The following ARHGEF7 variants were observed in gnomAD, a reference collection of about 807,000 sequenced individuals.
The protein encoded by ARHGEF7 is PAK-interacting exchange factor beta.
ARHGEF7 carries 33 observed loss-of-function variants against 109.8 expected under a neutral mutation model. The observed-to-expected ratio is 0.30, with a 90% CI of 0.23 to 0.40. The LOEUF is 0.40. ARHGEF7 is among the 10% of genes least tolerant of loss of function. ARHGEF7 has a pLI of 1.00. For synonymous variants in ARHGEF7, 458 were observed against 424.6 expected, an observed-to-expected ratio of 1.08 and a Z score of -0.97; for missense variants, 938 against 1,098.5, an observed-to-expected ratio of 0.85 and a Z score of 2.07.
At position 111,303,274 on chromosome 13, in the gene ARHGEF7, C is replaced by T. The variant is rs536353972; in HGVS notation, c.*161C>T. 3.3e-5 allele frequency: 21 copies of T among 638,342 alleles called. No homozygotes were observed. In the East Asian group the frequency reaches 4.1e-4, roughly 12 times the overall value. The allele number at this position is 638,342 out of a possible 1,614,324, so 39.5% of individuals were successfully genotyped here. On this transcript the variant is annotated 3_prime_UTR_variant, in exon 22 of 22. Coordinates refer to ENST00000646102, the MANE Select transcript of ARHGEF7 (RefSeq NM_001354046.2). ...CTGGAGCTTATTCTGCGAATGGAGA[C>T]GATCAAACCATGACTGATGAATCCA...
At chr13:111,214,206 G>T (rs1000037949) in intron 4 of ARHGEF7, among the ~76,000 whole-genome samples, 2 of 151,382 alleles carry the variant, frequency 1.3e-5, no homozygotes, top group Non-Finnish European at 3.0e-5. Flanking sequence ...AGTGTAGAGC[G>T]TGCATGCATT....
intron 2 of ARHGEF7, among the ~76,000 whole-genome samples, chr13:111,168,657 C>G (rs2077326114): frequency 6.6e-6 from 1 of 152,096 alleles, no homozygotes; most frequent in African/African-American, 2.4e-5. Context: ...TTGTCCATTC[C>G]CACCCCCAGA....
intron 4 of ARHGEF7, among the ~76,000 whole-genome samples, chr13:111,216,068 T>C (rs1015364856): frequency 1.3e-5 from 2 of 152,110 alleles, no homozygotes; most frequent in Non-Finnish European, 2.9e-5. Flanking sequence ...TATGAATTGG[T>C]TTGAATTTCT....
At position 111,133,789 on chromosome 13, in the gene ARHGEF7, ATATATATATATATATATATATAT is replaced by A. The variant is rs1566606764; in HGVS notation, c.165+18099_165+18121del. Among the ~76,000 whole-genome samples, 134 of 103,684 alleles carry A rather than the reference ATATATATATATATATATATATAT, an allele frequency of 1.3e-3. 5 individuals are homozygous for A. The highest frequency in any genetic ancestry group is 4.0e-3 in the South Asian group (12 of 2,974). 68.0% of individuals were successfully genotyped at this position (103,684 alleles called of 152,430 possible). ...TATATATATATATATATATATATATATATATATATATATATATATATATATTTATTATACTTTAAGTTCTAGGT... is the reference window on the plus strand; with the variant it reads ...TATATATATATATATATATATATATAATTTATTATACTTTAAGTTCTAGGT... On this transcript the variant is annotated intron_variant, in intron 1 of 21. Transcript: ENST00000646102.
At chr13:111,231,951 A>G (rs2086113672) in intron 5 of ARHGEF7, among the ~76,000 whole-genome samples, 2 of 152,272 alleles carry the variant, frequency 1.3e-5, no homozygotes, top group South Asian at 4.1e-4. Flanking sequence ...CTTTGTCCCC[A>G]CTAGCCCCAA....
In ARHGEF7 at chr13:111,250,915, C is replaced by T. The variant is rs181798491; in HGVS notation, c.950+6621C>T. On this transcript the variant is annotated intron_variant, in intron 8 of 21. Transcript: ENST00000646102. ...CTAGGCCCTCTGGGTGCAGCACCTC[C>T]GTGCTTTCAGCAACCCAAAATCTCT... Among the ~76,000 whole-genome samples, 80 of 152,334 alleles carry T rather than the reference C, an allele frequency of 5.3e-4. No homozygotes were observed. The East Asian group carries it at 6.6e-3, about 12-fold the overall frequency.
At chr13:111,114,733 C>T (rs868423617), upstream of ARHGEF7, 2 of 152,218 alleles carry the variant, frequency 1.3e-5, no homozygotes, top group East Asian at 1.9e-4. Context: ...CGTCACCGTC[C>T]GTCTAGAGCA....
At chr13:111,232,085 C>T (rs1165822837) in intron 5 of ARHGEF7, among the ~76,000 whole-genome samples, 1 of 151,970 alleles carries the variant, frequency 6.6e-6, no homozygotes, top group African/African-American at 2.4e-5. Context: ...CCTATCTGCC[C>T]ACCCCCTAGA....
At chr13:111,261,649 G>T (rs2091103668) in intron 8 of ARHGEF7, among the ~76,000 whole-genome samples, 1 of 152,130 alleles carries the variant, frequency 6.6e-6, no homozygotes, top group Non-Finnish European at 1.5e-5. Context: ...GCTTCAGAAT[G>T]CACATTCTTT....
chr13:111,140,517 C>G (rs74372248), intron 1 of ARHGEF7, among the ~76,000 whole-genome samples: 3,194 of 152,132 alleles, frequency 0.021, 49 homozygotes, highest in Middle Eastern at 0.051. Context: ...ACAGCTAGTG[C>G]GAGGTCCTGG....
intron 9 of ARHGEF7, among the ~76,000 whole-genome samples, chr13:111,268,362 T>A (rs1050672273): frequency 2.0e-5 from 3 of 152,116 alleles, no homozygotes; most frequent in Non-Finnish European, 4.4e-5. Context: ...TTACAAAAAA[T>A]TAATACAAAG....
chr13:111,157,685 A>C (rs1177661658), intron 2 of ARHGEF7, among the ~76,000 whole-genome samples: 2 of 152,220 alleles, frequency 1.3e-5, no homozygotes, highest in East Asian at 3.8e-4. Context: ...TTTCTTAGGT[A>C]AACAGCTACA....
chr13:111,153,938 C>T lies in ARHGEF7; in HGVS notation c.199C>T (p.Leu67=), dbSNP rs139490439. 5.5e-4 allele frequency: 876 copies of T among 1,605,910 alleles called. 1 individual carries two copies. In the African/African-American group the frequency reaches 0.011, roughly 20 times the overall value. ...CGAGCCCCGGAGCGAGAGCGAGTGC[C>T]TGAGCAACATCCGCGAGTTCCTGCG... ...YPEPRSESEC[L]SNIREFLRGC... is the part of the protein sequence containing the mutation. The change falls in exon 2 of 22, where the codon CTG becomes TTG. Residue 67 remains leucine (L), a synonymous_variant. Transcript: ENST00000646102.
Position 111,237,745 on chromosome 13 carries a change from TATATTTTCATGTTAAGTG to T in ARHGEF7, c.759+4453_759+4470del, listed in dbSNP as rs756438278. Among the ~76,000 whole-genome samples the T allele has an allele frequency of 1.1e-4, 17 of 152,194 alleles. 1 individual carries two copies. Among genetic ancestry groups the T allele is most frequent in the Non-Finnish European group, 2.2e-4 (15 of 68,014 alleles). ...TGAGGCTTTAAAAATACAAAAAACA[TATATTTTCATGTTAAGTG>T]CAATAACAGAATATGAAATTACACA... is the stretch of plus-strand genomic sequence containing the variant. On this transcript the variant is annotated intron_variant, in intron 6 of 21. Transcript: ENST00000646102.
intron 5 of ARHGEF7, among the ~76,000 whole-genome samples, chr13:111,221,356 T>C (rs1233615530): frequency 7.7e-5 from 1 of 13,028 alleles, no homozygotes. Flanking sequence ...TATATGTCTA[T>C]ATATATATCT....
intron 1 of ARHGEF7, among the ~76,000 whole-genome samples, chr13:111,139,349 G>C (rs2075238094): frequency 1.3e-5 from 2 of 152,252 alleles, no homozygotes; most frequent in Admixed American, 6.5e-5. Flanking sequence ...GTGTCTCTCT[G>C]TGACTCTGTT....
At chr13:111,241,324 G>A (rs1725906961) in intron 6 of ARHGEF7, 1 of 1,536,190 alleles carries the variant, frequency 6.5e-7, no homozygotes, top group Non-Finnish European at 8.7e-7. Flanking sequence ...AGACGAGGAG[G>A]GGAAGAAAGG....
At chr13:111,236,694 T>A (rs2086884176) in intron 6 of ARHGEF7, among the ~76,000 whole-genome samples, 1 of 152,200 alleles carries the variant, frequency 6.6e-6, no homozygotes, top group Admixed American at 6.5e-5. Flanking sequence ...AGTTCAGGTA[T>A]TACGGCTCAC....
intron 18 of ARHGEF7, among the ~76,000 whole-genome samples, chr13:111,288,758 T>C (rs1444282004): frequency 6.6e-6 from 1 of 152,234 alleles, no homozygotes; most frequent in Non-Finnish European, 1.5e-5. Flanking sequence ...GTTTAGAAGA[T>C]AGTGGAAGAT....
Sources: allele counts gnomAD v4.1 joint callset (sites outside exome capture counted in the v4.1 genomes callset), GRCh38; gene constraint gnomAD v4.1.1; transcripts MANE v1.5; gene names NCBI Gene and HGNC (gene_info 2026-07-23, HGNC 2026-07-21).